The following AVEN variants were observed in gnomAD, a reference collection of about 807,000 sequenced individuals.
AVEN encodes the protein apoptosis and caspase activation inhibitor.
In AVEN, 41 loss-of-function variants were observed where a neutral mutation model predicts 38.1. That is an observed-to-expected ratio of 1.08 (90% CI 0.84 to 1.40). AVEN has a LOEUF of 1.40. Among genes scored for constraint, AVEN ranks in the 40% most tolerant of loss-of-function variants. The pLI, the probability that AVEN is intolerant of heterozygous loss-of-function variation, is 0.00. For missense variants in AVEN, 605 were observed against 438.8 expected, an observed-to-expected ratio of 1.38 and a Z score of -3.38; for synonymous variants, 206 against 171.8, an observed-to-expected ratio of 1.20 and a Z score of -1.56.
intron 2 of AVEN, among the ~76,000 whole-genome samples, chr15:33,976,342 CTAAG>C (rs1422632470): frequency 2.0e-5 from 3 of 152,228 alleles, no homozygotes; most frequent in Admixed American, 6.5e-5. Flanking sequence ...AGTCAATCTC[CTAAG>C]TGAGTAATGT....
chr15:33,954,318 T>C (rs1025324355), intron 2 of AVEN, among the ~76,000 whole-genome samples: 1 of 152,274 alleles, frequency 6.6e-6, no homozygotes, highest in East Asian at 1.9e-4. Context: ...ACCCAAAGGA[T>C]TATAAATCAT....
At chr15:33,885,664 C>T (rs917823625) in intron 2 of AVEN, 1 of 152,218 alleles carries the variant, frequency 6.6e-6, no homozygotes, top group Non-Finnish European at 1.5e-5. Context: ...AACATCCACA[C>T]TGAGCACTAC....
chr15:33,885,155 C>T (rs1442919078), intron 2 of AVEN, among the ~76,000 whole-genome samples: 1 of 152,106 alleles, frequency 6.6e-6, no homozygotes, highest in Non-Finnish European at 1.5e-5. Flanking sequence ...CTTTATAGGT[C>T]GACAAAGGCT....
At chr15:33,873,101 T>C (rs929839235) in intron 3 of AVEN, among the ~76,000 whole-genome samples, 5 of 127,046 alleles carry the variant, frequency 3.9e-5, no homozygotes, top group Non-Finnish European at 8.7e-5. Flanking sequence ...TTTCTTTTTT[T>C]TTTTTTTTTT....
chr15:33,990,893 A>G (rs1438356795), intron 2 of AVEN: 1 of 152,256 alleles, frequency 6.6e-6, no homozygotes, highest in Admixed American at 6.5e-5. Context: ...ATATAATAGA[A>G]GCACTGAACA....
Position 33,983,753 on chromosome 15 carries a change from A to G in AVEN, c.445+19279T>C, listed in dbSNP as rs144243033. Among the ~76,000 whole-genome samples, 198 of 152,248 alleles carry G rather than the reference A, an allele frequency of 1.3e-3. 1 individual carries two copies. The highest frequency in any genetic ancestry group is 4.5e-3 in the African/African-American group (185 of 41,570). On this transcript the variant is annotated intron_variant, in intron 2 of 5. Transcript: ENST00000306730. Reference sequence around the variant, plus strand: ...ATGGAAAGGGAAAAACAGGGAGTTTACAGGGAGAAACCTGACGGAGGTTTC... The same window carrying G: ...ATGGAAAGGGAAAAACAGGGAGTTTGCAGGGAGAAACCTGACGGAGGTTTC...
intron 2 of AVEN, among the ~76,000 whole-genome samples, chr15:33,943,967 C>G (rs1044288144): frequency 6.6e-6 from 1 of 151,798 alleles, no homozygotes; most frequent in Non-Finnish European, 1.5e-5. Context: ...CTCCTGGGCT[C>G]AAGTGATTCT....
intron 2 of AVEN, among the ~76,000 whole-genome samples, chr15:33,888,103 C>A (rs1454416085): frequency 6.6e-6 from 1 of 151,792 alleles, no homozygotes; most frequent in Non-Finnish European, 1.5e-5. Flanking sequence ...ATGGGTGAGA[C>A]CTATATGAAA....
intron 5 of AVEN, among the ~76,000 whole-genome samples, chr15:34,061,397 C>T (rs563872092): frequency 9.7e-5 from 1 of 10,260 alleles, no homozygotes; most frequent in African/African-American, 1.1e-4. Flanking sequence ...TCTAGATGTA[C>T]TGATAAAAAG....
intron 2 of AVEN, among the ~76,000 whole-genome samples, chr15:33,956,219 A>C (rs1894947959): frequency 6.6e-6 from 1 of 152,094 alleles, no homozygotes; most frequent in South Asian, 2.1e-4. Flanking sequence ...GCCTGCCCCT[A>C]CATTAGCTCA....
intron 1 of AVEN, among the ~76,000 whole-genome samples, chr15:34,015,481 C>CA (rs1567468243): frequency 6.8e-6 from 1 of 146,360 alleles, no homozygotes; most frequent in Non-Finnish European, 1.5e-5. Flanking sequence ...GACTCCATCT[C>CA]AAAAAATAAA....
chr15:34,071,102 G>C (rs552419035), intron 1 of AVEN, among the ~76,000 whole-genome samples: 1 of 152,096 alleles, frequency 6.6e-6, no homozygotes, highest in Admixed American at 6.6e-5. Context: ...CTCCTGCTAA[G>C]AGTAGTTCTT....
intron 1 of AVEN, among the ~76,000 whole-genome samples, chr15:34,007,497 A>G (rs554394408): frequency 1.3e-5 from 2 of 152,286 alleles, no homozygotes; most frequent in Admixed American, 1.3e-4. Context: ...TTTCCATCTG[A>G]GACCTACCCA....
intron 1 of AVEN, among the ~76,000 whole-genome samples, chr15:34,007,918 T>A (rs1223997739): frequency 1.3e-5 from 2 of 152,192 alleles, no homozygotes; most frequent in Non-Finnish European, 2.9e-5. Flanking sequence ...CCTCTATGGG[T>A]GTGCATCTTC....
chr15:33,989,385 G>A (rs947284489), intron 2 of AVEN, among the ~76,000 whole-genome samples: 10 of 150,840 alleles, frequency 6.6e-5, no homozygotes, highest in African/African-American at 1.7e-4. Context: ...CCACATGATC[G>A]TCACAACTAC....
At chr15:33,974,302 T>C (rs58922383) in intron 2 of AVEN, among the ~76,000 whole-genome samples, 6,056 of 152,266 alleles carry the variant, frequency 0.04, 426 homozygotes, top group African/African-American at 0.14. Flanking sequence ...ACACTTAAAA[T>C]CTTACATTTA....
Position 34,063,085 on chromosome 15 carries a change from T to C in AVEN, n.1474A>G, listed in dbSNP as rs1019440264. The C allele has an allele frequency of 1.2e-6, 2 of 1,614,088 alleles. No individual in the cohort carries two copies. The highest frequency in any genetic ancestry group is 1.7e-6 in the Non-Finnish European group (2 of 1,180,044). ...AACGCTTCTGTCATGAACCTTCTGG[T>C]GATCAGTTTTGACCGTTACTTTTCC... is the stretch of plus-strand genomic sequence containing the variant. On this transcript the variant is annotated non_coding_transcript_exon_variant, in exon 5 of 12. Coordinates refer to the AVEN transcript ENST00000675287. This position sits in a 1 kb window ranked among gnomAD's most constrained non-coding sequence, Gnocchi z 4.1.
intron 2 of AVEN, among the ~76,000 whole-genome samples, chr15:33,957,720 T>C (rs1387802759): frequency 7.5e-6 from 1 of 133,740 alleles, no homozygotes; most frequent in South Asian, 2.4e-4. Flanking sequence ...CATTATATTG[T>C]ATGAAAAAAA....
At chr15:33,876,025 GC>G in intron 2 of AVEN, 30 bp from the exon 3 acceptor site, 1 of 1,569,600 alleles carries the variant, frequency 6.4e-7, no homozygotes, top group Non-Finnish European at 8.7e-7. Context: ...AAAAATTTAT[GC>G]AAAAGCCAAC....
Sources: allele counts gnomAD v4.1 joint callset (sites outside exome capture counted in the v4.1 genomes callset), GRCh38; gene constraint gnomAD v4.1.1; non-coding constraint Gnocchi (gnomAD v3.1); transcripts MANE v1.5; gene names NCBI Gene and HGNC (gene_info 2026-07-23, HGNC 2026-07-21).